DSTYK: variants seen among roughly 807,000 people sequenced by gnomAD.
The protein encoded by DSTYK is dual serine/threonine and tyrosine protein kinase.
DSTYK carries 34 observed loss-of-function variants against 98.7 expected under a neutral mutation model. The observed-to-expected ratio is 0.34, with a 90% CI of 0.26 to 0.46. DSTYK has a LOEUF of 0.46. Ranked by LOEUF, DSTYK falls within the 20% of genes least tolerant of loss-of-function variation. The probability of loss-of-function intolerance (pLI) is 1.00; values close to 1 mark genes in which losing one functional copy is unlikely to be tolerated. For synonymous variants in DSTYK, 462 were observed against 457.3 expected, an observed-to-expected ratio of 1.01 and a Z score of -0.13; for missense variants, 962 against 1,181.7, an observed-to-expected ratio of 0.81 and a Z score of 2.73.
chr1:205,157,530 T>G, intron 9 of DSTYK, 144 bp from the exon 10 acceptor site: 2 of 575,324 alleles, frequency 3.5e-6, no homozygotes, highest in South Asian at 2.5e-5. Flanking sequence ...ACCCCAGCAC[T>G]TAGGGAGGCC....
At chr1:205,184,360 G>A (rs1391191204) in intron 2 of DSTYK, among the ~76,000 whole-genome samples, 3 of 151,770 alleles carry the variant, frequency 2.0e-5, no homozygotes, top group African/African-American at 4.8e-5. Context: ...ATCACTTGAG[G>A]TCAGTAGTTC....
chr1:205,162,048 G>A lies in DSTYK; in HGVS notation c.1806C>T (p.Ala602=). 6.2e-7 allele frequency: 1 copy of A among 1,613,578 alleles called. No homozygotes were observed. ...RLNSSHEAFA[A]SLRQLEAGHS... ...CCTACATACCAACCTGCCGCAAGGA[G>A]GCTGCAAAAGCCTCGTGGGAACTAT... The change falls in exon 6 of 13, where the codon GCC becomes GCT. Residue 602 remains alanine, a synonymous_variant. Coordinates refer to ENST00000367162, the MANE Select transcript of DSTYK (RefSeq NM_015375.3).
intron 2 of DSTYK, among the ~76,000 whole-genome samples, chr1:205,176,557 C>G (rs1458676690): frequency 7.4e-6 from 1 of 134,848 alleles, no homozygotes; most frequent in Non-Finnish European, 1.6e-5. Context: ...CCAGAATATA[C>G]TTCTTTGGTT....
At chr1:205,171,253 T>A (rs1167981611) in intron 2 of DSTYK, among the ~76,000 whole-genome samples, 4 of 151,736 alleles carry the variant, frequency 2.6e-5, no homozygotes, top group Non-Finnish European at 5.9e-5. Context: ...GAGTTTGAGA[T>A]CAGCCTGGCC....
At position 205,163,837 on chromosome 1, in the gene DSTYK, G is replaced by C; in HGVS notation, c.1443C>G (p.Ile481Met). Residue 481 changes from isoleucine (I) to methionine (M), a missense_variant, in exon 4 of 13, where the codon ATC becomes ATG. This residue lies in a region of DSTYK where 660 missense variants were observed against 855.0 expected (regional missense o/e 0.77). Transcript: ENST00000367162. ...TTTCCCTCAGGTAATCCACTGAGCTGATCAGCTTATTAGCCACTGCCTGAT... is the reference window on the plus strand; with the variant it reads ...TTTCCCTCAGGTAATCCACTGAGCTCATCAGCTTATTAGCCACTGCCTGAT... ...RLNQAVANKL[I>M]SSVDYLRESF... The C allele has an allele frequency of 6.2e-7, 1 of 1,614,172 alleles. No homozygotes were observed. The highest frequency in any genetic ancestry group is 8.5e-7 in the Non-Finnish European group (1 of 1,180,040).
At chr1:205,172,590 C>T (rs974145514) in intron 2 of DSTYK, among the ~76,000 whole-genome samples, 1 of 151,912 alleles carries the variant, frequency 6.6e-6, no homozygotes, top group Non-Finnish European at 1.5e-5. Flanking sequence ...GCTGAGATTA[C>T]AGGTGTGAAC....
At chr1:205,163,487 G>C (rs1000443378) in intron 4 of DSTYK, among the ~76,000 whole-genome samples, 5 of 152,200 alleles carry the variant, frequency 3.3e-5, no homozygotes, top group Admixed American at 6.5e-5. Flanking sequence ...CCAAAGTGCT[G>C]GGATTACAGG....
intron 2 of DSTYK, among the ~76,000 whole-genome samples, chr1:205,173,792 C>T (rs910196777): frequency 6.6e-6 from 1 of 151,946 alleles, no homozygotes; most frequent in Admixed American, 6.5e-5. Context: ...GATCTTGGCT[C>T]ACTGCAACCT....
At chr1:205,202,548 C>T in intron 1 of DSTYK, 1 of 933,108 alleles carries the variant, frequency 1.1e-6, no homozygotes, top group Non-Finnish European at 1.7e-6. Context: ...TCAAAGTGAA[C>T]AAAGCACCTA....
rs558566029 is a variant in DSTYK, at chr1:205,156,710, T to A, written c.2352+563A>T. Among the ~76,000 whole-genome samples, 8 of 152,286 alleles carry A rather than the reference T, an allele frequency of 5.3e-5. No homozygotes were observed. In the South Asian group the frequency reaches 1.7e-3, roughly 32 times the overall value. ...ACTTTTGGATTAATGCTAGAATGAG[T>A]TAAGACTTTGGGGAACTGTTGGGAA... On this transcript the variant is annotated intron_variant, in intron 10 of 12. Transcript: ENST00000367162.
rs1191992217 is a variant in DSTYK, at chr1:205,146,884, T to C, written c.*674A>G. 3 of 152,152 alleles carry C rather than the reference T, an allele frequency of 2.0e-5. No homozygotes were observed. Among genetic ancestry groups the C allele is most frequent in the Non-Finnish European group, 2.9e-5 (2 of 68,000 alleles). 9.4% of individuals were successfully genotyped at this position (152,152 alleles called of 1,614,324 possible). On this transcript the variant is annotated 3_prime_UTR_variant, in exon 13 of 13. Transcript: ENST00000367162. ...CCATGCCTGGCCTCTTTTTTTTTTT[T>C]TTTCCTCTTTTCAGGGCCTCTTGGT...
At chr1:205,193,864 C>T (rs1658783392) in intron 1 of DSTYK, among the ~76,000 whole-genome samples, 1 of 143,038 alleles carries the variant, frequency 7.0e-6, no homozygotes, top group Non-Finnish European at 1.5e-5. Context: ...GAGTGAGACT[C>T]CGTCTCAAAA....
chr1:205,162,257 G>A, intron 5 of DSTYK, 45 bp from the exon 6 acceptor site: 1 of 1,601,434 alleles, frequency 6.2e-7, no homozygotes, highest in Non-Finnish European at 8.5e-7. Context: ...TGAGAGACAA[G>A]AACCACTACA....
At chr1:205,204,852 A>G (rs982866877) in intron 1 of DSTYK, among the ~76,000 whole-genome samples, 8 of 152,212 alleles carry the variant, frequency 5.3e-5, no homozygotes, top group African/African-American at 1.9e-4. Context: ...ATCATACAAT[A>G]TGTGGCATTG....
In DSTYK at chr1:205,201,451, C is replaced by T. The variant is rs1659038372; in HGVS notation, c.265+9820G>A. ...AATGCAACTGCAGCCTAACTAGTCA[C>T]CTATGAAATGCATATCATTGTTCTT... On this transcript the variant is annotated intron_variant, in intron 1 of 12. Coordinates refer to ENST00000367162, the MANE Select transcript of DSTYK (RefSeq NM_015375.3). Among the ~76,000 whole-genome samples, 3 of 147,982 alleles carry T rather than the reference C, an allele frequency of 2.0e-5. No individual in the cohort carries two copies. In the South Asian group the frequency reaches 6.4e-4, roughly 32 times the overall value.
intron 1 of DSTYK, among the ~76,000 whole-genome samples, chr1:205,197,735 AT>A (rs1336090066): frequency 6.6e-6 from 1 of 152,132 alleles, no homozygotes; most frequent in Non-Finnish European, 1.5e-5. Context: ...GATGTTTACT[AT>A]TGCTTGTTCA....
At chr1:205,163,614 T>C in intron 4 of DSTYK, 109 bp downstream of exon 4, 2 of 908,366 alleles carry the variant, frequency 2.2e-6, no homozygotes, top group Non-Finnish European at 3.4e-6. Context: ...TCAAACAAGA[T>C]TCGCAAGAAG....
At chr1:205,206,620 T>C (rs1401228293) in intron 1 of DSTYK, among the ~76,000 whole-genome samples, 1 of 144,578 alleles carries the variant, frequency 6.9e-6, no homozygotes, top group Non-Finnish European at 1.5e-5. Context: ...TCTTGCTTTG[T>C]CGCCCAGGCT....
intron 1 of DSTYK, among the ~76,000 whole-genome samples, chr1:205,196,193 CAA>C (rs1558623878): frequency 6.6e-6 from 1 of 152,120 alleles, no homozygotes; most frequent in Non-Finnish European, 1.5e-5. Flanking sequence ...ATTAAATAAA[CAA>C]GAGAAAAGGA....
Sources: gnomAD v4.1 joint callset for allele counts (sites outside exome capture counted in the v4.1 genomes callset) on GRCh38, gnomAD v4.1.1 for gene constraint, gnomAD v4.1.1 regional missense constraint, MANE v1.5 for transcripts, NCBI Gene and HGNC (gene_info 2026-07-23, HGNC 2026-07-21) for gene names.